Variants in SP140L observed in about 807,000 individuals in gnomAD.
SP140L encodes the protein SP140 like nuclear body protein, also known as nuclear body protein SP140-like protein.
In SP140L, 64 loss-of-function variants were observed where a neutral mutation model predicts 84.3. That is an observed-to-expected ratio of 0.76 (90% CI 0.62 to 0.94). The LOEUF is 0.94. SP140L is among the 40% of genes least tolerant of loss of function. SP140L has a pLI of 0.00. For missense variants in SP140L, 628 were observed against 692.5 expected, an observed-to-expected ratio of 0.91 and a Z score of 1.05; for synonymous variants, 242 against 236.9, an observed-to-expected ratio of 1.02 and a Z score of -0.20.
chr2:230,371,759 T>C (rs902983826), intron 7 of SP140L, 108 bp downstream of exon 7: 45 of 1,076,228 alleles, frequency 4.2e-5, no homozygotes, highest in Middle Eastern at 2.1e-4. Context: ...TGCAATACTG[T>C]GGTAGAGAGA....
At chr2:230,329,623 C>T (rs1193497280) in intron 2 of SP140L, among the ~76,000 whole-genome samples, 1 of 152,104 alleles carries the variant, frequency 6.6e-6, no homozygotes. Flanking sequence ...TGATAGCTTC[C>T]CTTGTGCTCT....
chr2:230,388,530 A>T (rs1331958210), intron 9 of SP140L, 29 bp from the exon 10 acceptor site: 2 of 1,574,766 alleles, frequency 1.3e-6, no homozygotes, highest in Admixed American at 1.8e-5. Context: ...CTCATTTGTA[A>T]CTGTGATTTT....
intron 6 of SP140L, 125 bp from the exon 7 acceptor site, chr2:230,371,473 G>C (rs1023626030): frequency 1.1e-6 from 1 of 924,634 alleles, no homozygotes; most frequent in South Asian, 1.6e-5. Context: ...TCCTCTAGAA[G>C]AAAGAGAGAA....
intron 5 of SP140L, among the ~76,000 whole-genome samples, chr2:230,364,433 C>G (rs777086070): frequency 3.3e-5 from 5 of 151,820 alleles, no homozygotes; most frequent in African/African-American, 1.2e-4. Flanking sequence ...TTTATTGATG[C>G]CTTTTTCAGA....
chr2:230,360,896 T>G (rs1268673069), intron 4 of SP140L, among the ~76,000 whole-genome samples: 1 of 152,224 alleles, frequency 6.6e-6, no homozygotes, highest in Non-Finnish European at 1.5e-5. Flanking sequence ...AACGTTCTCC[T>G]GTTTTCTAGC....
chr2:230,371,913 A>G, intron 7 of SP140L: 5 of 418,648 alleles, frequency 1.2e-5, no homozygotes, highest in South Asian at 7.1e-5. Context: ...GGTGGGCCCA[A>G]TCTAATCTTG....
intron 5 of SP140L, among the ~76,000 whole-genome samples, chr2:230,364,648 T>C (rs2060814609): frequency 1.3e-5 from 2 of 152,274 alleles, no homozygotes; most frequent in African/African-American, 4.8e-5. Flanking sequence ...TCTTGCCTAA[T>C]TGTTCTGTCT....
intron 2 of SP140L, among the ~76,000 whole-genome samples, chr2:230,339,385 C>CTTT (rs1305649695): frequency 6.6e-6 from 1 of 151,356 alleles, no homozygotes; most frequent in African/African-American, 2.4e-5. Flanking sequence ...ATTCTTCTCT[C>CTTT]TTTTTTTCTT....
chr2:230,329,263 C>A (rs2059662324), intron 2 of SP140L, among the ~76,000 whole-genome samples: 1 of 152,194 alleles, frequency 6.6e-6, no homozygotes, highest in Admixed American at 6.5e-5. Flanking sequence ...AAAGTTCCTT[C>A]TCTAAAATCT....
At chr2:230,389,163 C>G (rs1223255271) in intron 10 of SP140L, among the ~76,000 whole-genome samples, 1 of 152,160 alleles carries the variant, frequency 6.6e-6, no homozygotes, top group Non-Finnish European at 1.5e-5. Context: ...CCATCCCAGT[C>G]TAAATAGTGT....
At chr2:230,344,973 T>G (rs1229578424) in intron 2 of SP140L, among the ~76,000 whole-genome samples, 1 of 152,216 alleles carries the variant, frequency 6.6e-6, no homozygotes, top group African/African-American at 2.4e-5. Flanking sequence ...AATATGTGTT[T>G]TGCTGCTGTT....
In SP140L at chr2:230,385,209, C is replaced by T. The variant is rs1372053296; in HGVS notation, c.704-15C>T. On this transcript the variant is annotated splice_polypyrimidine_tract_variant and intron_variant, in intron 8 of 18. Transcript: ENST00000415673. ...GCCCAGTTCTATTAATACATTTTCC[C>T]TTGCCTATCCCCAGATAACAGCAAA... is the stretch of plus-strand genomic sequence containing the variant. 3.1e-6 allele frequency: 5 copies of T among 1,612,826 alleles called. No individual in the cohort carries two copies. The highest frequency in any genetic ancestry group is 3.4e-6 in the Non-Finnish European group (4 of 1,179,244).
chr2:230,389,514 C>T (rs961539721), intron 10 of SP140L, among the ~76,000 whole-genome samples: 1 of 152,054 alleles, frequency 6.6e-6, no homozygotes, highest in African/African-American at 2.4e-5. Flanking sequence ...AGTCAGTGCC[C>T]AAATGGGAGA....
chr2:230,395,788 G>A (rs890196435), intron 13 of SP140L, among the ~76,000 whole-genome samples: 1 of 152,200 alleles, frequency 6.6e-6, no homozygotes, highest in African/African-American at 2.4e-5. Flanking sequence ...AGGGAAAGGT[G>A]CCAACTCCTG....
chr2:230,377,960 A>G (rs7580060), intron 7 of SP140L, among the ~76,000 whole-genome samples: 1 of 152,134 alleles, frequency 6.6e-6, no homozygotes, highest in East Asian at 1.9e-4. Context: ...ATTGAGATCT[A>G]TAACCCATTT....
intron 2 of SP140L, among the ~76,000 whole-genome samples, chr2:230,351,166 T>C (rs2060352997): frequency 6.6e-6 from 1 of 152,218 alleles, no homozygotes; most frequent in African/African-American, 2.4e-5. Context: ...CAGTCTGTAG[T>C]ATATTTTAAA....
chr2:230,363,950 G>T (rs963308933), intron 5 of SP140L, among the ~76,000 whole-genome samples: 1 of 152,016 alleles, frequency 6.6e-6, no homozygotes, highest in Non-Finnish European at 1.5e-5. Context: ...GCGTGTTCTT[G>T]GCACCTTTGT....
In SP140L at chr2:230,336,708, C is replaced by G. The variant is rs143769873; in HGVS notation, c.107+7877C>G. Among the ~76,000 whole-genome samples, 370 of 152,244 alleles carry G rather than the reference C, an allele frequency of 2.4e-3. 4 individuals carry two copies. The highest frequency in any genetic ancestry group is 7.8e-4 in the Non-Finnish European group (53 of 68,010). ...GACTTGTCAACTTCTAACAGAGATG[C>G]CTTAACATTTTTTTACTACAATTGT... On this transcript the variant is annotated intron_variant, in intron 2 of 18. Transcript: ENST00000415673.
intron 5 of SP140L, among the ~76,000 whole-genome samples, chr2:230,362,685 T>C (rs2060754759): frequency 6.6e-6 from 1 of 152,200 alleles, no homozygotes; most frequent in African/African-American, 2.4e-5. Flanking sequence ...TTGTATTCCT[T>C]ATTGTCCATT....
Sources: gnomAD v4.1 joint callset for allele counts (sites outside exome capture counted in the v4.1 genomes callset) on GRCh38, gnomAD v4.1.1 for gene constraint, MANE v1.5 for transcripts, NCBI Gene and HGNC (gene_info 2026-07-23, HGNC 2026-07-21) for gene names.